Variants in PDSS2 observed in about 807,000 individuals in gnomAD.
The protein encoded by PDSS2 is decaprenyl diphosphate synthase subunit 2.
PDSS2 carries 31 observed loss-of-function variants against 44.5 expected under a neutral mutation model. The ratio of observed to expected loss-of-function variants is 0.70; its 90% CI spans 0.52 to 0.94. PDSS2 has a LOEUF of 0.94. PDSS2 is among the 40% of genes least tolerant of loss of function. PDSS2 has a pLI of 0.00. For missense variants in PDSS2, 452 were observed against 482.2 expected (o/e 0.94, Z 0.59); for synonymous variants, 157 against 180.3 (o/e 0.87, Z 1.03).
intron 6 of PDSS2, among the ~76,000 whole-genome samples, chr6:107,203,507 G>A (rs11756094): frequency 1.3e-5 from 2 of 151,682 alleles, no homozygotes; most frequent in African/African-American, 2.4e-5. Flanking sequence ...TCCTTTCATC[G>A]TATATAATAT....
chr6:107,338,321 C>T (rs981134393), intron 1 of PDSS2, among the ~76,000 whole-genome samples: 4 of 152,122 alleles, frequency 2.6e-5, no homozygotes, highest in African/African-American at 9.7e-5. Flanking sequence ...TGTGGCATAA[C>T]CAGAAAATGG....
intron 1 of PDSS2, among the ~76,000 whole-genome samples, chr6:107,374,184 G>C (rs1583006584): frequency 6.7e-6 from 1 of 150,232 alleles, no homozygotes; most frequent in South Asian, 2.1e-4. Flanking sequence ...AACCCAGGAG[G>C]TGGAGGTTGC....
intron 7 of PDSS2, among the ~76,000 whole-genome samples, chr6:107,186,766 G>A (rs541247880): frequency 5.0e-4 from 76 of 152,056 alleles, no homozygotes; most frequent in Admixed American, 9.2e-4. Context: ...AGCTTCATCC[G>A]TATCCCTGCA....
chr6:107,446,409 T>A (rs1011236517), intron 1 of PDSS2, among the ~76,000 whole-genome samples: 12 of 152,326 alleles, frequency 7.9e-5, no homozygotes, highest in East Asian at 5.8e-4. Context: ...GGTGAAATCA[T>A]GTAATAGCTA....
intron 1 of PDSS2, among the ~76,000 whole-genome samples, chr6:107,427,857 A>T (rs953813782): frequency 6.6e-6 from 1 of 152,246 alleles, no homozygotes; most frequent in African/African-American, 2.4e-5. Flanking sequence ...ATTTCTACAA[A>T]TCCCAACCAT....
chr6:107,351,553 G>T (rs1019095276), intron 1 of PDSS2, among the ~76,000 whole-genome samples: 42 of 152,066 alleles, frequency 2.8e-4, no homozygotes, highest in Non-Finnish European at 1.3e-4. Flanking sequence ...CCTTGTGAAT[G>T]GTTCTAACTT....
At chr6:107,242,473 C>T (rs1251644737) in intron 4 of PDSS2, among the ~76,000 whole-genome samples, 5 of 152,106 alleles carry the variant, frequency 3.3e-5, no homozygotes, top group Admixed American at 1.3e-4. Context: ...CTCGATCTCC[C>T]GACCTCGTGA....
At chr6:107,331,161 C>G (rs1777698188) in intron 2 of PDSS2, among the ~76,000 whole-genome samples, 2 of 152,158 alleles carry the variant, frequency 1.3e-5, no homozygotes, top group South Asian at 4.1e-4. Flanking sequence ...AGATACAAGA[C>G]TCCAGCAAAA....
At position 107,420,722 on chromosome 6, in the gene PDSS2, C is replaced by A. The variant is rs184233613; in HGVS notation, c.296+38268G>T. ...ACGGATTTATGTAAAATGTGAACCACAGAACTATAAAACTTTTAGAAGAGA... is the reference window on the plus strand; with the variant it reads ...ACGGATTTATGTAAAATGTGAACCAAAGAACTATAAAACTTTTAGAAGAGA... On this transcript the variant is annotated intron_variant, in intron 1 of 7. Coordinates refer to ENST00000369037, the MANE Select transcript of PDSS2 (RefSeq NM_020381.4). Among the ~76,000 whole-genome samples the A allele has an allele frequency of 1.0e-3, 152 of 151,694 alleles. 1 individual carries two copies. The highest frequency in any genetic ancestry group is 3.5e-3 in the African/African-American group (145 of 41,390).
At chr6:107,219,871 G>A (rs1008846160) in intron 4 of PDSS2, among the ~76,000 whole-genome samples, 13 of 152,178 alleles carry the variant, frequency 8.5e-5, no homozygotes, top group Non-Finnish European at 1.6e-4. Flanking sequence ...AGATGTGTGC[G>A]TGTGTTTTAA....
intron 1 of PDSS2, among the ~76,000 whole-genome samples, chr6:107,360,660 T>G (rs567162539): frequency 2.0e-5 from 3 of 152,326 alleles, no homozygotes; most frequent in Admixed American, 6.5e-5. Context: ...TTGCCTTCAC[T>G]TGAAAAGTTA....
chr6:107,316,062 T>C (rs76017046), intron 2 of PDSS2, among the ~76,000 whole-genome samples: 2,615 of 152,304 alleles, frequency 0.017, 79 homozygotes, highest in African/African-American at 0.06. Flanking sequence ...AAAAAGTATG[T>C]TATAGAAAAA....
intron 1 of PDSS2, among the ~76,000 whole-genome samples, chr6:107,453,757 C>G (rs886187376): frequency 2.6e-5 from 4 of 152,030 alleles, no homozygotes; most frequent in African/African-American, 7.3e-5. Context: ...AGGTCTTCCC[C>G]ATACCTAGTA....
rs532871121 is a variant in PDSS2, at chr6:107,381,150, G to A, written c.297-46818C>T. On this transcript the variant is annotated intron_variant, in intron 1 of 7. Transcript: ENST00000369037. ...ATCCCCAGTGCATAAAACACCATAC[G>A]GCACATAGCACGTATTTAATAAATA... Among the ~76,000 whole-genome samples the A allele has an allele frequency of 5.3e-5, 8 of 152,142 alleles. No homozygotes were observed. In the East Asian group the frequency reaches 7.7e-4, roughly 15 times the overall value.
Position 107,459,073 on chromosome 6 carries a change from G to C in PDSS2, c.213C>G (p.Cys71Trp). The change falls in exon 1 of 8, where the codon TGC becomes TGG. Residue 71 changes from cysteine to tryptophan, a missense_variant. By Grantham distance (215) the Cys-to-Trp change is radical. Transcript: ENST00000369037. The surrounding 1 kb of genome is among the most constrained non-coding windows in gnomAD (Gnocchi z 4.3). ...TGTTGCTGAGCTCGTCGCTCAGCAG[G>C]CAGCGAAGGCTCATGAAGGACGTGG... is the stretch of plus-strand genomic sequence containing the variant. ...GYPTSFMSLR[C>W]LLSDELSNIA... The C allele has an allele frequency of 6.2e-7, 1 of 1,614,128 alleles. No homozygotes were observed. The highest frequency in any genetic ancestry group is 8.5e-7 in the Non-Finnish European group (1 of 1,180,000).
chr6:107,256,516 C>G (rs1023712713), intron 3 of PDSS2, among the ~76,000 whole-genome samples: 1 of 152,060 alleles, frequency 6.6e-6, no homozygotes, highest in African/African-American at 2.4e-5. Flanking sequence ...AGAGACATCC[C>G]AAGGTTTGTA....
intron 3 of PDSS2, among the ~76,000 whole-genome samples, chr6:107,256,706 C>A (rs1775034010): frequency 6.6e-6 from 1 of 151,972 alleles, no homozygotes; most frequent in Admixed American, 6.6e-5. Context: ...ATTAAGTAAT[C>A]TTTTTTTTCC....
At chr6:107,387,360 T>G (rs1456814237) in intron 1 of PDSS2, among the ~76,000 whole-genome samples, 1 of 152,194 alleles carries the variant, frequency 6.6e-6, no homozygotes, top group Non-Finnish European at 1.5e-5. Context: ...CATTTAAACT[T>G]TCTCTAGAGA....
At chr6:107,420,439 C>T (rs2114697786) in intron 1 of PDSS2, among the ~76,000 whole-genome samples, 1 of 152,266 alleles carries the variant, frequency 6.6e-6, no homozygotes, top group Middle Eastern at 3.4e-3. Flanking sequence ...CTCACTACAT[C>T]GCTATCATAA....
Sources: gnomAD v4.1 joint callset for allele counts (sites outside exome capture counted in the v4.1 genomes callset) on GRCh38, gnomAD v4.1.1 for gene constraint, Gnocchi (gnomAD v3.1) non-coding constraint, MANE v1.5 for transcripts, NCBI Gene and HGNC (gene_info 2026-07-23, HGNC 2026-07-21) for gene names.